The following CDH13 variants were observed in gnomAD, a reference collection of about 807,000 sequenced individuals.
The protein encoded by CDH13 is cadherin 13, also known as cadherin-13.
In CDH13, 24 loss-of-function variants were observed where a neutral mutation model predicts 63.8. The ratio of observed to expected loss-of-function variants is 0.38; its 90% confidence interval spans 0.27 to 0.53. The LOEUF (loss-of-function observed/expected upper bound fraction) is 0.53, where lower values mean the gene tolerates loss of function less well. Ranked by LOEUF, CDH13 falls within the 20% of genes least tolerant of loss-of-function variation. The probability of loss-of-function intolerance (pLI) is 0.85; values close to 1 mark genes in which losing one functional copy is unlikely to be tolerated. For synonymous variants in CDH13, 503 were observed against 355.3 expected, an observed-to-expected ratio of 1.42 and a Z score of -4.67; for missense variants, 1,049 against 903.1, an observed-to-expected ratio of 1.16 and a Z score of -2.07.
intron 7 of CDH13, among the ~76,000 whole-genome samples, chr16:83,523,914 A>T (rs1273235190): frequency 6.6e-6 from 1 of 152,176 alleles, no homozygotes; most frequent in Non-Finnish European, 1.5e-5. Flanking sequence ...CTCTAGAATG[A>T]AGATTCACCT....
intron 5 of CDH13, among the ~76,000 whole-genome samples, chr16:83,290,701 C>T (rs923980648): frequency 6.6e-6 from 1 of 152,128 alleles, no homozygotes; most frequent in African/African-American, 2.4e-5. Context: ...CTCTTCAGTG[C>T]GGAAGAAAAC....
intron 5 of CDH13, among the ~76,000 whole-genome samples, chr16:83,300,861 A>G (rs2089717435): frequency 6.6e-6 from 1 of 152,142 alleles, no homozygotes; most frequent in Admixed American, 6.5e-5. Flanking sequence ...TGGGAAGGAA[A>G]GCTACATAGC....
At position 83,461,042 on chromosome 16, in the gene CDH13, C is replaced by T. The variant is rs905702355; in HGVS notation, c.782-25435C>T. On this transcript the variant is annotated intron_variant, in intron 6 of 13. Coordinates refer to ENST00000567109, the MANE Select transcript of CDH13 (RefSeq NM_001257.5). ...ACACAGAACAAACACTGCAGATAGC[C>T]ATTTTCCTAAGAGGAAAGGTAGCAG... 2.0e-5 allele frequency among the ~76,000 whole-genome samples: 3 copies of T among 150,832 alleles called. No individual in the cohort carries two copies. In the East Asian group the frequency reaches 5.8e-4, roughly 29 times the overall value.
intron 2 of CDH13, among the ~76,000 whole-genome samples, chr16:82,975,286 A>T (rs1196895392): frequency 6.6e-6 from 1 of 152,170 alleles, no homozygotes; most frequent in Non-Finnish European, 1.5e-5. Flanking sequence ...ATGGAGAGTA[A>T]GTGGAGACAA....
At chr16:82,797,777 G>GTGTT (rs2036659078) in intron 1 of CDH13, among the ~76,000 whole-genome samples, 1 of 117,884 alleles carries the variant, frequency 8.5e-6, no homozygotes, top group Admixed American at 8.1e-5. Context: ...TTAGGGCCGT[G>GTGTT]TGTGTGTGTG....
chr16:83,541,789 C>G (rs1002336167), intron 7 of CDH13, among the ~76,000 whole-genome samples: 10 of 152,220 alleles, frequency 6.6e-5, no homozygotes, highest in African/African-American at 1.7e-4. Flanking sequence ...ACATAAGACT[C>G]TGCTCTACCA....
intron 3 of CDH13, among the ~76,000 whole-genome samples, chr16:83,113,224 A>G (rs2035145888): frequency 6.6e-6 from 1 of 152,242 alleles, no homozygotes; most frequent in Non-Finnish European, 1.5e-5. Flanking sequence ...AGGATAAAAG[A>G]ATCCAACTGA....
intron 7 of CDH13, among the ~76,000 whole-genome samples, chr16:83,542,652 T>G (rs2075315266): frequency 6.6e-6 from 1 of 152,234 alleles, no homozygotes; most frequent in Non-Finnish European, 1.5e-5. Flanking sequence ...TCCTTCCTTG[T>G]GTCTTCCAGC....
intron 3 of CDH13, among the ~76,000 whole-genome samples, chr16:83,123,409 A>C (rs931732356): frequency 4.5e-4 from 68 of 152,008 alleles, no homozygotes; most frequent in African/African-American, 1.5e-3. Flanking sequence ...CCTCATGAAT[A>C]GCTGGGATTA....
chr16:82,895,638 G>A (rs1179424781), intron 2 of CDH13, among the ~76,000 whole-genome samples: 2 of 151,562 alleles, frequency 1.3e-5, no homozygotes, highest in African/African-American at 2.4e-5. Flanking sequence ...AATTATGTGA[G>A]GTAGTAGATG....
At chr16:83,343,576 A>C (rs1319711909) in intron 5 of CDH13, among the ~76,000 whole-genome samples, 2 of 152,232 alleles carry the variant, frequency 1.3e-5, no homozygotes, top group African/African-American at 4.8e-5. Context: ...TTACAATACC[A>C]TCAGGTGGAA....
intron 7 of CDH13, among the ~76,000 whole-genome samples, chr16:83,499,919 C>G (rs1474843041): frequency 6.6e-6 from 1 of 152,170 alleles, no homozygotes; most frequent in Non-Finnish European, 1.5e-5. Context: ...TCTTCTGCTT[C>G]AGCCTCCCAA....
chr16:82,762,712 T>C (rs986974620), intron 1 of CDH13, among the ~76,000 whole-genome samples: 2 of 152,166 alleles, frequency 1.3e-5, no homozygotes, highest in Non-Finnish European at 2.9e-5. Flanking sequence ...TGGAATGCCT[T>C]GAGCAAAACT....
intron 6 of CDH13, among the ~76,000 whole-genome samples, chr16:83,451,372 A>G (rs1478492826): frequency 6.6e-6 from 1 of 152,170 alleles, no homozygotes; most frequent in South Asian, 2.1e-4. Context: ...CTTATTCCCT[A>G]TCATGAGAAC....
At chr16:83,632,227 G>A (rs1910839317) in intron 8 of CDH13, among the ~76,000 whole-genome samples, 1 of 150,774 alleles carries the variant, frequency 6.6e-6, no homozygotes, top group Non-Finnish European at 1.5e-5. Context: ...TTCTGTTTCT[G>A]AGTTCTTATT....
At chr16:83,697,127 C>T (rs1018253257) in intron 10 of CDH13, among the ~76,000 whole-genome samples, 1 of 152,220 alleles carries the variant, frequency 6.6e-6, no homozygotes, top group African/African-American at 2.4e-5. Context: ...AGCTCACCCA[C>T]TCAATAAAAT....
chr16:83,018,952 T>TA (rs1289072390), intron 2 of CDH13, among the ~76,000 whole-genome samples: 27 of 152,314 alleles, frequency 1.8e-4, no homozygotes, highest in African/African-American at 6.0e-4. Flanking sequence ...TGGAAGATGC[T>TA]CTGGGTGAGT....
intron 2 of CDH13, among the ~76,000 whole-genome samples, chr16:82,864,628 C>G (rs1251406629): frequency 3.3e-5 from 5 of 152,172 alleles, no homozygotes; most frequent in South Asian, 2.1e-4. Flanking sequence ...AGCTGGTCAC[C>G]CCCTTGAAAC....
intron 2 of CDH13, among the ~76,000 whole-genome samples, chr16:82,992,603 G>T (rs905251033): frequency 1.3e-5 from 2 of 152,114 alleles, no homozygotes; most frequent in African/African-American, 4.8e-5. Context: ...CTAAATGTTT[G>T]TATGATCAAT....
Sources: gnomAD v4.1 joint callset for allele counts (sites outside exome capture counted in the v4.1 genomes callset) on GRCh38, gnomAD v4.1.1 for gene constraint, MANE v1.5 for transcripts, NCBI Gene and HGNC (gene_info 2026-07-23, HGNC 2026-07-21) for gene names.